Variants in TMPRSS11A observed in about 807,000 individuals in gnomAD.
The protein encoded by TMPRSS11A is transmembrane serine protease 11A.
In TMPRSS11A, 53 loss-of-function variants were observed where a neutral mutation model predicts 58.9. The observed-to-expected ratio is 0.90, with a 90% CI of 0.72 to 1.13. The LOEUF (loss-of-function observed/expected upper bound fraction) is 1.13, where lower values mean the gene tolerates loss of function less well. Ranked by LOEUF, TMPRSS11A falls within the 50% of genes most tolerant of loss-of-function variation. The pLI, the probability that TMPRSS11A is intolerant of heterozygous loss-of-function variation, is 0.00. For missense variants in TMPRSS11A, 493 were observed against 499.3 expected, an observed-to-expected ratio of 0.99 and a Z score of 0.12; for synonymous variants, 167 against 169.8, an observed-to-expected ratio of 0.98 and a Z score of 0.13.
intron 1 of TMPRSS11A, among the ~76,000 whole-genome samples, chr4:67,953,795 C>CAAA (rs11420763): frequency 8.3e-5 from 12 of 144,234 alleles, no homozygotes; most frequent in African/African-American, 2.8e-4. Flanking sequence ...AACTCCATCT[C>CAAA]AAAAAAAAAA....
chr4:67,956,980 A>T (rs758484893), intron 1 of TMPRSS11A, among the ~76,000 whole-genome samples: 31 of 152,236 alleles, frequency 2.0e-4, no homozygotes, highest in Non-Finnish European at 1.5e-4. Context: ...AAGTCTCATG[A>T]GATCTGATGG....
intron 1 of TMPRSS11A, among the ~76,000 whole-genome samples, chr4:67,959,654 T>C (rs1721375824): frequency 6.6e-6 from 1 of 152,070 alleles, no homozygotes; most frequent in Non-Finnish European, 1.5e-5. Flanking sequence ...ATGGCTACTA[T>C]TAAAGAGTCA....
At chr4:67,928,949 G>T (rs1407580755) in intron 5 of TMPRSS11A, among the ~76,000 whole-genome samples, 1 of 152,098 alleles carries the variant, frequency 6.6e-6, no homozygotes, top group Non-Finnish European at 1.5e-5. Context: ...AGCGGACGAG[G>T]GTAAACAAGT....
At chr4:67,915,610 T>C (rs1252712609) in intron 8 of TMPRSS11A, among the ~76,000 whole-genome samples, 1 of 152,254 alleles carries the variant, frequency 6.6e-6, no homozygotes, top group Admixed American at 6.5e-5. Flanking sequence ...AAGGTGGGCC[T>C]GACCTAATCA....
At position 67,909,451 on chromosome 4, in the gene TMPRSS11A, G is replaced by A. The variant is rs952596363; in HGVS notation, c.*1891C>T. Reference sequence around the variant, plus strand: ...ATGACATATCAATATCTGCTTACATGTGACCCAAAATGAAATGCTGCACCA... The same window carrying A: ...ATGACATATCAATATCTGCTTACATATGACCCAAAATGAAATGCTGCACCA... On this transcript the variant is annotated 3_prime_UTR_variant, in exon 10 of 10. Coordinates refer to ENST00000508048, the MANE Select transcript of TMPRSS11A (RefSeq NM_001114387.2). 1 of 152,060 alleles carries A rather than the reference G, an allele frequency of 6.6e-6. No individual in the cohort carries two copies. Among genetic ancestry groups the A allele is most frequent in the Non-Finnish European group, 1.5e-5 (1 of 67,956 alleles). The allele number at this position is 152,060 out of a possible 1,614,324, so 9.4% of individuals were successfully genotyped here. A position where few individuals can be genotyped will look rare whatever the true frequency, so the allele number is the denominator to read the frequency against.
intron 1 of TMPRSS11A, among the ~76,000 whole-genome samples, chr4:67,948,698 G>T (rs1453138682): frequency 6.6e-6 from 1 of 152,158 alleles, no homozygotes; most frequent in African/African-American, 2.4e-5. Flanking sequence ...AAGCTAACAT[G>T]CTTGAATAGA....
chr4:67,925,164 C>G (rs1426664370), intron 5 of TMPRSS11A, among the ~76,000 whole-genome samples: 1 of 152,056 alleles, frequency 6.6e-6, no homozygotes, highest in Non-Finnish European at 1.5e-5. Flanking sequence ...TGGACACAAT[C>G]CAAGATTAAA....
chr4:67,924,675 T>A (rs1720420470), intron 5 of TMPRSS11A, among the ~76,000 whole-genome samples: 1 of 152,174 alleles, frequency 6.6e-6, no homozygotes, highest in Non-Finnish European at 1.5e-5. Context: ...TCTTACATGG[T>A]GGCAAGCAAG....
At chr4:67,939,632 A>AT (rs1720832497) in intron 3 of TMPRSS11A, among the ~76,000 whole-genome samples, 2 of 152,014 alleles carry the variant, frequency 1.3e-5, no homozygotes, top group African/African-American at 4.8e-5. Flanking sequence ...GGGATGTTTA[A>AT]TTTTATCAAA....
chr4:67,928,006 G>A (rs1471909028), intron 5 of TMPRSS11A, among the ~76,000 whole-genome samples: 1 of 152,142 alleles, frequency 6.6e-6, no homozygotes, highest in Non-Finnish European at 1.5e-5. Flanking sequence ...TGGTCCTGTG[G>A]TGACTTAGTG....
intron 3 of TMPRSS11A, among the ~76,000 whole-genome samples, chr4:67,941,290 T>C (rs1336448072): frequency 6.6e-6 from 1 of 152,154 alleles, no homozygotes; most frequent in Non-Finnish European, 1.5e-5. Flanking sequence ...CAAACAGGTG[T>C]GGCTCAGGAT....
At chr4:67,959,844 A>G (rs538432155) in intron 1 of TMPRSS11A, among the ~76,000 whole-genome samples, 4 of 152,370 alleles carry the variant, frequency 2.6e-5, no homozygotes, top group African/African-American at 9.6e-5. Flanking sequence ...AAAATAAATC[A>G]TTATACCAAA....
chr4:67,936,976 GA>G (rs530477340), intron 3 of TMPRSS11A, among the ~76,000 whole-genome samples: 1 of 152,128 alleles, frequency 6.6e-6, no homozygotes, highest in South Asian at 2.1e-4. Flanking sequence ...TCATTATTTA[GA>G]AGGTTCATGT....
intron 9 of TMPRSS11A, among the ~76,000 whole-genome samples, chr4:67,912,583 A>G (rs1720013252): frequency 1.3e-5 from 2 of 152,124 alleles, no homozygotes; most frequent in South Asian, 4.1e-4. Context: ...CCACCCTCAC[A>G]GTTGATATTT....
At chr4:67,925,872 G>A (rs369224888) in intron 5 of TMPRSS11A, among the ~76,000 whole-genome samples, 9 of 152,186 alleles carry the variant, frequency 5.9e-5, no homozygotes, top group African/African-American at 1.4e-4. Flanking sequence ...GAATATAACC[G>A]GATTTTAAGG....
intron 8 of TMPRSS11A, among the ~76,000 whole-genome samples, chr4:67,918,211 T>C (rs530158508): frequency 6.6e-6 from 1 of 152,348 alleles, no homozygotes; most frequent in East Asian, 1.9e-4. Flanking sequence ...AGAAACTCTC[T>C]AGCTTTTGTT....
intron 7 of TMPRSS11A, among the ~76,000 whole-genome samples, chr4:67,920,659 A>G (rs1204436699): frequency 6.6e-6 from 1 of 151,478 alleles, no homozygotes; most frequent in Non-Finnish European, 1.5e-5. Context: ...TCAGGGTTAC[A>G]TGTGCAGGTT....
chr4:67,951,668 A>G (rs1047981243), intron 1 of TMPRSS11A, among the ~76,000 whole-genome samples: 1 of 151,998 alleles, frequency 6.6e-6, no homozygotes. Flanking sequence ...ACAAATGCCA[A>G]TTTACAGACA....
Position 67,914,635 on chromosome 4 carries a change from C to T in TMPRSS11A, c.1048G>A (p.Gly350Arg), listed in dbSNP as rs1367196912. 1.9e-6 allele frequency: 3 copies of T among 1,613,668 alleles called. No homozygotes were observed. The highest frequency in any genetic ancestry group is 2.5e-6 in the Non-Finnish European group (3 of 1,179,782). Residue 350 changes from glycine (G) to arginine (R), a missense_variant, in exon 9 of 10, where the codon GGA becomes AGA. Physicochemically the swap from Gly to Arg is moderately radical, Grantham distance 125 (BLOSUM62 -2). Coordinates refer to ENST00000508048, the MANE Select transcript of TMPRSS11A (RefSeq NM_001114387.2). Reference sequence around the variant, plus strand: ...TCCATATATCCGGCACAGAACATTCCAGGTTTTATATCATTGCCATACACC... The same window carrying T: ...TCCATATATCCGGCACAGAACATTCTAGGTTTTATATCATTGCCATACACC... ...PQVYGNDIKP[G>R]MFCAGYMEGI...
Sources: allele counts gnomAD v4.1 joint callset (sites outside exome capture counted in the v4.1 genomes callset), GRCh38; gene constraint gnomAD v4.1.1; transcripts MANE v1.5; gene names NCBI Gene and HGNC (gene_info 2026-07-23, HGNC 2026-07-21).